KCNH3: variants seen among roughly 807,000 people sequenced by gnomAD.
KCNH3 encodes the protein voltage-gated inwardly rectifying potassium channel KCNH3.
A neutral mutation model predicts 95.6 loss-of-function variants in KCNH3; 36 were observed. The ratio of observed to expected loss-of-function variants is 0.38; its 90% CI spans 0.29 to 0.50. The LOEUF is 0.50. Ranked by LOEUF, KCNH3 falls within the 20% of genes least tolerant of loss-of-function variation. The pLI is 0.95. For missense variants in KCNH3, 1,030 were observed against 1,484.1 expected (o/e 0.69, Z 5.03); for synonymous variants, 620 against 646.3 (o/e 0.96, Z 0.62).
intron 13 of KCNH3, 77 bp from the exon 14 acceptor site, chr12:49,557,105 TG>T: frequency 7.3e-7 from 1 of 1,378,552 alleles, no homozygotes; most frequent in Non-Finnish European, 1.0e-6. Context: ...GTGCTCTAAC[TG>T]GGGCAAGGCC....
At chr12:49,545,604 G>C (rs1330286527) in intron 7 of KCNH3, among the ~76,000 whole-genome samples, 10 of 151,976 alleles carry the variant, frequency 6.6e-5, no homozygotes, top group Non-Finnish European at 1.3e-4. Flanking sequence ...TGTTAGCCAG[G>C]ATGGTCTCGA....
intron 11 of KCNH3, among the ~76,000 whole-genome samples, chr12:49,555,371 C>T (rs1938400428): frequency 6.8e-6 from 1 of 148,092 alleles, no homozygotes; most frequent in Non-Finnish European, 1.5e-5. Flanking sequence ...GGCATGAACC[C>T]GGGAGGTGGA....
chr12:49,547,595 C>T (rs1003158159), intron 7 of KCNH3, among the ~76,000 whole-genome samples: 2 of 152,220 alleles, frequency 1.3e-5, no homozygotes, highest in Admixed American at 1.3e-4. Flanking sequence ...AACTGGAGCC[C>T]TCAGGGAGCT....
rs142595910 is a variant in KCNH3 at position 49,544,289 on chromosome 12, G to C, written c.1096G>C (p.Val366Leu). 1 of 1,611,986 alleles carries C rather than the reference G, an allele frequency of 6.2e-7. No homozygotes were observed. Among genetic ancestry groups the C allele is most frequent in the Non-Finnish European group, 8.5e-7 (1 of 1,179,706 alleles). Residue 366 changes from valine to leucine, a missense_variant, in exon 7 of 15, where the codon GTG becomes CTG. Coordinates refer to ENST00000257981, the MANE Select transcript of KCNH3 (RefSeq NM_012284.3). Reference protein sequence around the residue: ...SAVVLTLLMAVFALLAHWVAC... With the variant: ...SAVVLTLLMALFALLAHWVAC... ...CGTGGTGCTGACACTGCTCATGGCC[G>C]TGTTCGCCCTGCTCGCGCACTGGGT...
In KCNH3 at chr12:49,557,641, A is replaced by C; in HGVS notation, c.2940A>C (p.Pro980=). The C allele has an allele frequency of 6.2e-7, 1 of 1,613,140 alleles. No individual in the cohort carries two copies. The highest frequency in any genetic ancestry group is 8.5e-7 in the Non-Finnish European group (1 of 1,179,734). ...PLMAPWPWGP[P]ASQSSPWPRA... is the part of the protein sequence containing the mutation. ...TGGCACCCTGGCCCTGGGGTCCCCC[A>C]GCGTCTCAGAGCTCCCCCTGGCCTC... Residue 980 remains proline (P), a synonymous_variant, in exon 15 of 15, where the codon CCA becomes CCC. Coordinates refer to ENST00000257981, the MANE Select transcript of KCNH3 (RefSeq NM_012284.3).
intron 9 of KCNH3, 37 bp from the exon 10 acceptor site, chr12:49,550,043 T>TGGCCCCCCCCCCCCCC: frequency 7.7e-7 from 1 of 1,299,542 alleles, no homozygotes; most frequent in Non-Finnish European, 1.1e-6. Context: ...CTTCTGCCAC[T>TGGCCCCCCCCCCCCCC]CCCAACCCCC....
intron 3 of KCNH3, among the ~76,000 whole-genome samples, chr12:49,542,066 C>T (rs1937889325): frequency 6.6e-6 from 1 of 152,330 alleles, no homozygotes; most frequent in African/African-American, 2.4e-5. Context: ...TAAGGTTGAG[C>T]ACAGACCCAC....
At position 49,556,472 on chromosome 12, in the gene KCNH3, A is replaced by G; in HGVS notation, c.2571A>G (p.Gly857=). 6.2e-7 allele frequency: 1 copy of G among 1,609,430 alleles called. No individual in the cohort carries two copies. Among genetic ancestry groups the G allele is most frequent in the East Asian group, 2.2e-5 (1 of 44,840 alleles). Residue 857 remains glycine, a synonymous_variant, in exon 13 of 15, where the codon GGA becomes GGG. Transcript: ENST00000257981. ...AATGTAGCAGCAGCCCCTCCCCTGGACCAGGTACCAGGGCCCCGGGATGGT... is the reference window on the plus strand; with the variant it reads ...AATGTAGCAGCAGCCCCTCCCCTGGGCCAGGTACCAGGGCCCCGGGATGGT... ...GPECSSSPSP[G]PESGLLTVPH... is the part of the protein sequence containing the mutation.
rs1182706473 is a variant in KCNH3, at chr12:49,540,908, T to A, written c.86T>A (p.Phe29Tyr). Residue 29 changes from phenylalanine (F) to tyrosine (Y), a missense_variant, in exon 2 of 15, where the codon TTC (phenylalanine) becomes TAC (tyrosine). This residue lies in a region of KCNH3 where 9 missense variants were observed against 45.2 expected (regional missense o/e 0.20). Coordinates refer to ENST00000257981, the MANE Select transcript of KCNH3 (RefSeq NM_012284.3). ...ATRFDGTHSN[F>Y]VLGNAQVAGL... ...AAGTGCTCTCTTGCAGACAGTAACT[T>A]CGTGCTGGGCAACGCCCAGGTGGCG... 6.2e-7 allele frequency: 1 copy of A among 1,614,080 alleles called. No individual in the cohort carries two copies. The highest frequency in any genetic ancestry group is 1.1e-5 in the South Asian group (1 of 91,078).
At position 49,554,308 on chromosome 12, in the gene KCNH3, G is replaced by A. The variant is rs1938358048; in HGVS notation, c.1919-29G>A. ...TCTCCTCATGGCTGAAGCTCTCAGG[G>A]CTTGCTGACCTCTACTTCCTCTCCC... On this transcript the variant is annotated intron_variant, in intron 10 of 14. Transcript: ENST00000257981. The A allele has an allele frequency of 1.9e-6, 3 of 1,584,774 alleles. No individual in the cohort carries two copies. In the East Asian group the frequency reaches 6.7e-5, roughly 35 times the overall value.
chr12:49,557,567 G>A lies in KCNH3; in HGVS notation c.2866G>A (p.Val956Ile). The change falls in exon 15 of 15, where the codon GTC (valine) becomes ATC (isoleucine). Residue 956 changes from valine (V) to isoleucine (I), a missense_variant. By Grantham distance (29) the Val-to-Ile change is conservative. Transcript: ENST00000257981. ...CTGCCTGCAGCCCCCAGCTGGCTCTGTCTTGAGTGGGACTTGGCCCCACCC... is the reference window on the plus strand; with the variant it reads ...CTGCCTGCAGCCCCCAGCTGGCTCTATCTTGAGTGGGACTTGGCCCCACCC... ...SYCLQPPAGSVLSGTWPHPRP... is the reference protein window; with the variant it reads ...SYCLQPPAGSILSGTWPHPRP... 1.9e-6 allele frequency: 3 copies of A among 1,612,552 alleles called. No individual in the cohort carries two copies. Among genetic ancestry groups the A allele is most frequent in the South Asian group, 2.2e-5 (2 of 91,080 alleles).
intron 13 of KCNH3, 63 bp from the exon 14 acceptor site, chr12:49,557,120 A>G (rs759209947): frequency 1.5e-5 from 22 of 1,505,530 alleles, no homozygotes; most frequent in Non-Finnish European, 1.9e-5. Context: ...CAAGGCCTAG[A>G]CCCCCAAATT....
chr12:49,546,163 A>G (rs562092700), intron 7 of KCNH3: 29 of 152,124 alleles, frequency 1.9e-4, no homozygotes, highest in African/African-American at 6.5e-4. Flanking sequence ...CATTAAGAAG[A>G]CCTTCAGCTC....
At chr12:49,548,756 T>C (rs1273988173) in intron 7 of KCNH3, 139 bp from the exon 8 acceptor site, 4 of 780,846 alleles carry the variant, frequency 5.1e-6, no homozygotes, top group Non-Finnish European at 7.9e-6. Flanking sequence ...TGGAGAGGGG[T>C]GTGCTAGGCT....
intron 2 of KCNH3, 73 bp from the exon 3 acceptor site, chr12:49,541,557 G>C (rs1014616384): frequency 1.3e-5 from 20 of 1,558,668 alleles, no homozygotes; most frequent in African/African-American, 4.1e-5. Flanking sequence ...CGGGATGTCA[G>C]TGGAGCCAGG....
rs1251155840 is a variant in KCNH3, at chr12:49,548,942, G to A, written c.1237G>A (p.Val413Met). 1 of 1,602,122 alleles carries A rather than the reference G, an allele frequency of 6.2e-7. No individual in the cohort carries two copies. The highest frequency in any genetic ancestry group is 8.5e-7 in the Non-Finnish European group (1 of 1,175,014). ...ARRLETPYYLVGRRPAGGNSS... is the reference protein window; with the variant it reads ...ARRLETPYYLMGRRPAGGNSS... The stretch of plus-strand genomic sequence containing the variant: ...CCGACTGGAGACTCCCTACTACCTG[G>A]TGGGCCGGAGGCCAGCTGGAGGGAA... The change falls in exon 8 of 15, where the codon GTG (valine) becomes ATG (methionine). Residue 413 changes from valine (V) to methionine (M), a missense_variant. This residue lies in a region of KCNH3 where 50 missense variants were observed against 41.0 expected (regional missense o/e 1.22). Coordinates refer to ENST00000257981, the MANE Select transcript of KCNH3 (RefSeq NM_012284.3).
In KCNH3 at chr12:49,556,474, C is replaced by G; in HGVS notation, c.2573C>G (p.Pro858Arg). ...TGTAGCAGCAGCCCCTCCCCTGGAC[C>G]AGGTACCAGGGCCCCGGGATGGTCT... ...PECSSSPSPG[P>R]ESGLLTVPHG... The change falls in exon 13 of 15, where the codon CCA (proline) becomes CGA (arginine). Residue 858 changes from proline to arginine, a missense_variant and splice_region_variant. By Grantham distance (103) the Pro-to-Arg change is moderately radical. This residue lies in a region of KCNH3 where 464 missense variants were observed against 493.2 expected (regional missense o/e 0.94). Coordinates refer to ENST00000257981, the MANE Select transcript of KCNH3 (RefSeq NM_012284.3). 4 of 1,611,134 alleles carry G rather than the reference C, an allele frequency of 2.5e-6. No individual in the cohort carries two copies. Among genetic ancestry groups the G allele is most frequent in the Non-Finnish European group, 3.4e-6 (4 of 1,177,414 alleles).
intron 11 of KCNH3, 67 bp downstream of exon 11, chr12:49,554,621 G>C (rs1236005840): frequency 6.5e-6 from 9 of 1,389,322 alleles, no homozygotes; most frequent in Non-Finnish European, 9.1e-6. Flanking sequence ...GTGGGCAGAG[G>C]CTGGGGATGG....
chr12:49,540,059 T>C (rs943065230), intron 1 of KCNH3, among the ~76,000 whole-genome samples: 6 of 152,148 alleles, frequency 3.9e-5, no homozygotes, highest in African/African-American at 1.4e-4. Flanking sequence ...TGGGGAAGTT[T>C]GGAGAAGGCG....
Sources: allele counts gnomAD v4.1 joint callset (sites outside exome capture counted in the v4.1 genomes callset), GRCh38; gene constraint gnomAD v4.1.1; regional missense constraint gnomAD v4.1.1; transcripts MANE v1.5; gene names NCBI Gene and HGNC (gene_info 2026-07-23, HGNC 2026-07-21).